Variants in PCDHGA3 observed in about 807,000 individuals in gnomAD.
PCDHGA3 encodes protocadherin gamma subfamily A, 3.
A neutral mutation model predicts 58.5 loss-of-function variants in PCDHGA3; 40 were observed. That is an observed-to-expected ratio of 0.68 (90% CI 0.53 to 0.89). The LOEUF is 0.89. Ranked by LOEUF, PCDHGA3 falls within the 40% of genes least tolerant of loss-of-function variation. The pLI, the probability that PCDHGA3 is intolerant of heterozygous loss-of-function variation, is 0.00. For missense variants in PCDHGA3, 1,223 were observed against 1,195.9 expected (o/e 1.02, Z -0.33); for synonymous variants, 530 against 525.7 (o/e 1.01, Z -0.11).
At chr5:141,421,965 C>A in intron 1 of PCDHGA3, 1 of 1,610,360 alleles carries the variant, frequency 6.2e-7, no homozygotes, top group Non-Finnish European at 8.5e-7. Context: ...TTACACAGTC[C>A]GTATATCGCG....
intron 1 of PCDHGA3, chr5:141,383,280 T>C (rs1180064294): frequency 6.2e-7 from 1 of 1,613,786 alleles, no homozygotes; most frequent in Non-Finnish European, 8.5e-7. Context: ...TAGATATTAA[T>C]GACAACGTTC....
chr5:141,350,155 G>C (rs950480253), intron 1 of PCDHGA3: 18 of 998,812 alleles, frequency 1.8e-5, no homozygotes, highest in Non-Finnish European at 2.2e-5. Context: ...TCACCCTCGA[G>C]CGCCTAACTA....
rs1047101891 is a variant in PCDHGA3 at position 141,355,001 on chromosome 5, G to A, written c.2424+8544G>A. On this transcript the variant is annotated intron_variant, in intron 1 of 3. Coordinates refer to ENST00000253812, the MANE Select transcript of PCDHGA3 (RefSeq NM_018916.4). ...CGCTGTTCACCAATCAGGGGGAAAA[G>A]ACAAACCAGAAATTTAATCAGAATC... 2.8e-5 allele frequency: 21 copies of A among 754,922 alleles called. No homozygotes were observed. The African/African-American group carries it at 3.4e-4, about 12-fold the overall frequency. 46.8% of individuals were successfully genotyped at this position (754,922 alleles called of 1,614,324 possible). A position where few individuals can be genotyped will look rare whatever the true frequency, so the allele number is the denominator to read the frequency against.
intron 1 of PCDHGA3, among the ~76,000 whole-genome samples, chr5:141,397,686 T>C (rs963267542): frequency 7.2e-5 from 11 of 152,372 alleles, no homozygotes; most frequent in Middle Eastern, 3.4e-3. Flanking sequence ...TGCAGGTTTG[T>C]ATAAAAACCC....
chr5:141,374,354 G>C, intron 1 of PCDHGA3: 1 of 1,614,036 alleles, frequency 6.2e-7, no homozygotes, highest in East Asian at 2.2e-5. Context: ...GGGTAGGATA[G>C]ACCGCGAGGA....
chr5:141,423,765 G>A (rs775053869), intron 1 of PCDHGA3: 11 of 233,406 alleles, frequency 4.7e-5, no homozygotes, highest in Admixed American at 1.2e-4. Context: ...GGGGGGTGGG[G>A]CGGCATATAT....
chr5:141,370,235 G>T, intron 1 of PCDHGA3: 5 of 608,818 alleles, frequency 8.2e-6, no homozygotes, highest in Non-Finnish European at 1.3e-5. Flanking sequence ...CAGCTCGGAA[G>T]AAAAGTGCAC....
intron 1 of PCDHGA3, among the ~76,000 whole-genome samples, chr5:141,456,824 G>C (rs2098890304): frequency 6.6e-6 from 1 of 152,052 alleles, no homozygotes; most frequent in African/African-American, 2.4e-5. Flanking sequence ...ATTAGCCATC[G>C]TGGTAGTGGG....
Position 141,373,901 on chromosome 5 carries a change from C to T in PCDHGA3, c.2424+27444C>T. ...AATCAACGGAAACTCAAGTTACATCCTCCAACAACAAAGCAAATTAGACGG... is the reference window on the plus strand; with the variant it reads ...AATCAACGGAAACTCAAGTTACATCTTCCAACAACAAAGCAAATTAGACGG... On this transcript the variant is annotated intron_variant, in intron 1 of 3. Coordinates refer to ENST00000253812, the MANE Select transcript of PCDHGA3 (RefSeq NM_018916.4). 5.3e-6 allele frequency: 3 copies of T among 568,614 alleles called. No homozygotes were observed. In the East Asian group the frequency reaches 9.4e-5, roughly 18 times the overall value. The allele number at this position is 568,614 out of a possible 1,614,324, so 35.2% of individuals were successfully genotyped here.
chr5:141,355,099 T>C, intron 1 of PCDHGA3: 2 of 1,497,570 alleles, frequency 1.3e-6, no homozygotes, highest in Non-Finnish European at 8.9e-7. Context: ...CTGAGAGCTC[T>C]GGCTGTGAAT....
intron 2 of PCDHGA3, among the ~76,000 whole-genome samples, chr5:141,497,603 G>A (rs1045138662): frequency 3.3e-5 from 5 of 149,832 alleles, no homozygotes; most frequent in Non-Finnish European, 7.4e-5. Context: ...GCAGTGGTGC[G>A]ATCTTGGCTC....
At chr5:141,388,880 G>A (rs1426155590) in intron 1 of PCDHGA3, 1 of 1,613,982 alleles carries the variant, frequency 6.2e-7, no homozygotes, top group Non-Finnish European at 8.5e-7. Flanking sequence ...GCACAGTGGA[G>A]GTAGAAGTCA....
rs1179640117 is a variant in PCDHGA3, at chr5:141,345,957, C to T, written c.1924C>T (p.Leu642Phe). The change falls in exon 1 of 4, where the codon CTC becomes TTC. Residue 642 changes from leucine to phenylalanine, a missense_variant. Leu to Phe is a conservative substitution (Grantham distance 22). Coordinates refer to ENST00000253812, the MANE Select transcript of PCDHGA3 (RefSeq NM_018916.4). The part of the protein sequence containing the change: ...LLDRDALKQS[L>F]VVAVQDHGQP... ...GGACAGAGACGCGCTCAAGCAGAGC[C>T]TCGTGGTGGCCGTCCAGGACCACGG... 5 of 1,613,506 alleles carry T rather than the reference C, an allele frequency of 3.1e-6. No individual in the cohort carries two copies. Among genetic ancestry groups the T allele is most frequent in the Non-Finnish European group, 4.2e-6 (5 of 1,179,892 alleles).
chr5:141,430,155 A>G (rs1440666899), intron 1 of PCDHGA3, among the ~76,000 whole-genome samples: 7 of 152,184 alleles, frequency 4.6e-5, no homozygotes, highest in Admixed American at 1.3e-4. Flanking sequence ...CATTCAAGGA[A>G]TCTATTTAAA....
In PCDHGA3 at chr5:141,353,085, C is replaced by T. The variant is rs368058412; in HGVS notation, c.2424+6628C>T. 3.9e-4 allele frequency among the ~76,000 whole-genome samples: 60 copies of T among 152,096 alleles called. No individual in the cohort carries two copies. In the East Asian group the frequency reaches 6.0e-3, roughly 15 times the overall value. On this transcript the variant is annotated intron_variant, in intron 1 of 3. Transcript: ENST00000253812. The stretch of plus-strand genomic sequence containing the variant: ...ATTGTTCTAGTGATGGTATCTACTG[C>T]GGGAGGGGGTACTAGATAGATGGAG...
intron 1 of PCDHGA3, chr5:141,408,050 G>A: frequency 1.6e-6 from 2 of 1,259,544 alleles, no homozygotes; most frequent in Middle Eastern, 2.8e-4. Flanking sequence ...CCCACACAGA[G>A]CCTCCCGGCT....
chr5:141,413,803 G>A (rs1331029473), intron 1 of PCDHGA3: 3 of 1,613,142 alleles, frequency 1.9e-6, no homozygotes, highest in Non-Finnish European at 1.7e-6. Flanking sequence ...CGAGGAAGAG[G>A]CCATTCACCA....
At chr5:141,466,549 T>C (rs778708029) in intron 1 of PCDHGA3, among the ~76,000 whole-genome samples, 2 of 152,244 alleles carry the variant, frequency 1.3e-5, no homozygotes, top group African/African-American at 2.4e-5. Flanking sequence ...GGTCTTTTGC[T>C]GTGGGCTTCA....
At position 141,345,462 on chromosome 5, in the gene PCDHGA3, C is replaced by T; in HGVS notation, c.1429C>T (p.Gln477Ter). 1 of 1,614,144 alleles carries T rather than the reference C, an allele frequency of 6.2e-7. No homozygotes were observed. The highest frequency in any genetic ancestry group is 2.2e-5 in the East Asian group (1 of 44,874). Residue 477 changes from glutamine to a stop codon, truncating the protein, a stop_gained, in exon 1 of 4, where the codon CAG (glutamine) becomes TAG (stop). Coordinates refer to ENST00000253812, the MANE Select transcript of PCDHGA3 (RefSeq NM_018916.4). LOFTEE classifies it high-confidence loss of function. ...AGCCTCCATCTTCTCAGTGACAGCC[C>T]AGGACCCAGATAGCAACAACAACGC... ...RGASIFSVTA[Q>*]DPDSNNNARI... is the part of the protein sequence containing the mutation.
Sources: gnomAD v4.1 joint callset for allele counts (sites outside exome capture counted in the v4.1 genomes callset) on GRCh38, gnomAD v4.1.1 for gene constraint, MANE v1.5 for transcripts, NCBI Gene and HGNC (gene_info 2026-07-23, HGNC 2026-07-21) for gene names.